PTCHD1: variants seen among roughly 807,000 people sequenced by gnomAD.
PTCHD1 encodes patched domain-containing protein 1.
A neutral mutation model predicts 34.6 loss-of-function variants in PTCHD1; 3 were observed. The ratio of observed to expected loss-of-function variants is 0.09; its 90% CI spans 0.04 to 0.22. The LOEUF is 0.22. Among genes scored for constraint, PTCHD1 ranks in the 10% least tolerant of loss-of-function variants. The probability of loss-of-function intolerance (pLI) is 1.00; values close to 1 mark genes in which losing one functional copy is unlikely to be tolerated. For synonymous variants in PTCHD1, 305 were observed against 283.1 expected (o/e 1.08, Z -0.77); for missense variants, 504 against 685.5 (o/e 0.74, Z 2.96).
rs1163101166 is a variant in PTCHD1 at position 23,402,445 on chromosome X, T to C, written c.*8260T>C. 1 of 111,385 alleles carries C rather than the reference T, an allele frequency of 9.0e-6. No individual in the cohort carries two copies. The highest frequency in any genetic ancestry group is 1.9e-5 in the Non-Finnish European group (1 of 53,062). The allele number at this position is 111,385 out of a possible 1,213,427, so 9.2% of individuals were successfully genotyped here. The stretch of plus-strand genomic sequence containing the variant: ...GTAATTACTGGGAAGCTGAAAACAA[T>C]CAAATATGTGAGGAATGACTGAATA... On this transcript the variant is annotated 3_prime_UTR_variant, in exon 3 of 3. Transcript: ENST00000379361.
At chrX:23,365,789 C>T (rs977351420) in intron 1 of PTCHD1, among the ~76,000 whole-genome samples, 1 of 112,057 alleles carries the variant, frequency 8.9e-6, no homozygotes, top group African/African-American at 3.2e-5. Context: ...CATTTGAAGT[C>T]GGGCAGGTGT....
chrX:23,342,948 T>G (rs752353720), intron 1 of PTCHD1, among the ~76,000 whole-genome samples: 3 of 112,254 alleles, frequency 2.7e-5, no homozygotes, highest in African/African-American at 9.7e-5. Context: ...TATATTGTCA[T>G]GTGATCGTTT....
At position 23,392,774 on chromosome X, in the gene PTCHD1, C is replaced by T. The variant is rs200013789; in HGVS notation, c.1256C>T (p.Ser419Leu). Reference protein sequence around the residue: ...AIFFNYLYVLSFYGSSLVFTG... With the variant: ...AIFFNYLYVLLFYGSSLVFTG... ...TTCTTCAACTACCTCTATGTACTCTCGTTTTATGGTTCCAGCCTAGTGTTC... is the reference window on the plus strand; with the variant it reads ...TTCTTCAACTACCTCTATGTACTCTTGTTTTATGGTTCCAGCCTAGTGTTC... Residue 419 changes from serine to leucine, a missense_variant, in exon 3 of 3, where the codon TCG becomes TTG. Coordinates refer to ENST00000379361, the MANE Select transcript of PTCHD1 (RefSeq NM_173495.3). 1.7e-6 allele frequency: 2 copies of T among 1,211,268 alleles called. 1 individual carries two copies. Among genetic ancestry groups the T allele is most frequent in the Non-Finnish European group, 2.2e-6 (2 of 894,847 alleles).
Position 23,402,693 on chromosome X carries a change from C to T in PTCHD1, c.*8508C>T, listed in dbSNP as rs985848406. 2 of 112,022 alleles carry T rather than the reference C, an allele frequency of 1.8e-5. No individual in the cohort carries two copies. The highest frequency in any genetic ancestry group is 6.5e-5 in the African/African-American group (2 of 30,845). The allele number at this position is 112,022 out of a possible 1,213,427, so 9.2% of individuals were successfully genotyped here. A position where few individuals can be genotyped will look rare whatever the true frequency, so the allele number is the denominator to read the frequency against. ...TTGTGGTTTACAATCCAGCTTAGAA[C>T]CCTTGAGCAAAATTATTGAATTATT... is the stretch of plus-strand genomic sequence containing the variant. On this transcript the variant is annotated 3_prime_UTR_variant, in exon 3 of 3. Transcript: ENST00000379361.
At chrX:23,378,744 G>C (rs1441485911) in intron 1 of PTCHD1, among the ~76,000 whole-genome samples, 1 of 112,488 alleles carries the variant, frequency 8.9e-6, no homozygotes, top group African/African-American at 3.2e-5. Context: ...GAGTTTATCT[G>C]TATAAGGAGC....
intron 1 of PTCHD1, among the ~76,000 whole-genome samples, chrX:23,343,844 G>A (rs1921406785): frequency 8.9e-6 from 1 of 112,306 alleles, no homozygotes. Flanking sequence ...AAAAAATAAT[G>A]CATCTCTGCT....
At chrX:23,376,803 A>T (rs1380303592) in intron 1 of PTCHD1, among the ~76,000 whole-genome samples, 1 of 112,226 alleles carries the variant, frequency 8.9e-6, no homozygotes, top group Non-Finnish European at 1.9e-5. Flanking sequence ...CACTCTGCAG[A>T]ACTCTGCCAC....
At chrX:23,356,060 G>A (rs773411873) in intron 1 of PTCHD1, among the ~76,000 whole-genome samples, 3 of 110,882 alleles carry the variant, frequency 2.7e-5, no homozygotes, top group Non-Finnish European at 5.7e-5. Flanking sequence ...TTTTTTTCTC[G>A]AGTCAGAATT....
chrX:23,387,616 G>A (rs887637975), intron 2 of PTCHD1, among the ~76,000 whole-genome samples: 3 of 111,018 alleles, frequency 2.7e-5, no homozygotes, highest in Non-Finnish European at 5.7e-5. Context: ...TCACACTCCC[G>A]GCCCAAATTT....
Position 23,334,981 on chromosome X carries a change from T to C in PTCHD1, c.106T>C (p.Ser36Pro). The change falls in exon 1 of 3, where the codon TCC becomes CCC. Residue 36 changes from serine to proline, a missense_variant. Coordinates refer to ENST00000379361, the MANE Select transcript of PTCHD1 (RefSeq NM_173495.3). ...CTTCGCCTCGGCGCCGGTGCTCATC[T>C]CCATCCTGCTCGGCGCCAGCTTCAG... ...VFFASAPVLISILLGASFSRY... is the reference protein window; with the variant it reads ...VFFASAPVLIPILLGASFSRY... The C allele has an allele frequency of 8.3e-7, 1 of 1,209,857 alleles. No homozygotes were observed. The highest frequency in any genetic ancestry group is 1.1e-6 in the Non-Finnish European group (1 of 894,575).
rs1922984287 is a variant in PTCHD1 at position 23,396,147 on chromosome X, C to A, written c.*1962C>A. 8.9e-6 allele frequency: 1 copy of A among 112,466 alleles called. No homozygotes were observed. Among genetic ancestry groups the A allele is most frequent in the African/African-American group, 3.2e-5 (1 of 30,870 alleles). 9.3% of individuals were successfully genotyped at this position (112,466 alleles called of 1,213,427 possible). ...AATTCAGATGTAACCACACCAAGTG[C>A]AAACCTGTGCTTTCTATTTCACGTA... is the stretch of plus-strand genomic sequence containing the variant. On this transcript the variant is annotated 3_prime_UTR_variant, in exon 3 of 3. Coordinates refer to ENST00000379361, the MANE Select transcript of PTCHD1 (RefSeq NM_173495.3).
chrX:23,399,306 A>T lies in PTCHD1; in HGVS notation c.*5121A>T, dbSNP rs1255771449. The T allele has an allele frequency of 8.9e-6, 1 of 112,099 alleles. No homozygotes were observed. The highest frequency in any genetic ancestry group is 1.9e-5 in the Non-Finnish European group (1 of 53,241). 9.2% of individuals were successfully genotyped at this position (112,099 alleles called of 1,213,427 possible). The stretch of plus-strand genomic sequence containing the variant: ...TTCTCCATTTTGCCACTTTACTGCC[A>T]AATTCTATTCATCTAAATTATTGGG... On this transcript the variant is annotated 3_prime_UTR_variant, in exon 3 of 3. Coordinates refer to ENST00000379361, the MANE Select transcript of PTCHD1 (RefSeq NM_173495.3).
intron 1 of PTCHD1, among the ~76,000 whole-genome samples, chrX:23,358,416 T>C (rs1921872264): frequency 8.9e-6 from 1 of 112,655 alleles, no homozygotes; most frequent in African/African-American, 3.2e-5. Context: ...CCAGTGATGA[T>C]GAGCATTTTT....
rs1227592536 is a variant in PTCHD1 at position 23,402,698 on chromosome X, G to A, written c.*8513G>A. On this transcript the variant is annotated 3_prime_UTR_variant, in exon 3 of 3. Coordinates refer to ENST00000379361, the MANE Select transcript of PTCHD1 (RefSeq NM_173495.3). ...GTTTACAATCCAGCTTAGAACCCTT[G>A]AGCAAAATTATTGAATTATTGAATG... The A allele has an allele frequency of 8.9e-6, 1 of 111,974 alleles. No homozygotes were observed. The highest frequency in any genetic ancestry group is 1.9e-5 in the Non-Finnish European group (1 of 53,185). The allele number at this position is 111,974 out of a possible 1,213,427, so 9.2% of individuals were successfully genotyped here.
At chrX:23,387,608 A>C (rs1193600572) in intron 2 of PTCHD1, among the ~76,000 whole-genome samples, 1 of 111,914 alleles carries the variant, frequency 8.9e-6, no homozygotes, top group African/African-American at 3.2e-5. Context: ...TTTTAAAATC[A>C]CACTCCCGGC....
chrX:23,392,559 G>A lies in PTCHD1; in HGVS notation c.1041G>A (p.Met347Ile). ...LGHGLYGTFE[M>I]LSSWRKTRED... ...ATGGATTATATGGGACTTTTGAAAT[G>A]TTATCCTCCTGGAGGAAAACTAGAG... Residue 347 changes from methionine (M) to isoleucine (I), a missense_variant, in exon 3 of 3, where the codon ATG (methionine) becomes ATA (isoleucine). Met to Ile is a conservative substitution (Grantham distance 10, BLOSUM62 1). Coordinates refer to ENST00000379361, the MANE Select transcript of PTCHD1 (RefSeq NM_173495.3). 8.3e-7 allele frequency: 1 copy of A among 1,206,558 alleles called. No homozygotes were observed. The highest frequency in any genetic ancestry group is 3.0e-5 in the East Asian group (1 of 33,830).
intron 2 of PTCHD1, among the ~76,000 whole-genome samples, chrX:23,387,559 A>C (rs1275683365): frequency 2.7e-5 from 3 of 112,004 alleles, no homozygotes; most frequent in African/African-American, 6.5e-5. Context: ...TGACAACCCC[A>C]AAGTGTACTG....
intron 1 of PTCHD1, among the ~76,000 whole-genome samples, chrX:23,360,710 T>G: frequency 9.0e-6 from 1 of 111,678 alleles, no homozygotes; most frequent in South Asian, 3.8e-4. Context: ...GTCTTTGCTC[T>G]TGCTACTCCA....
intron 1 of PTCHD1, among the ~76,000 whole-genome samples, chrX:23,352,153 G>C (rs1376568569): frequency 2.7e-5 from 3 of 111,950 alleles, no homozygotes; most frequent in African/African-American, 9.8e-5. Context: ...GAGAAGGGGA[G>C]TAGGTTTAGG....
Sources: allele counts gnomAD v4.1 joint callset (sites outside exome capture counted in the v4.1 genomes callset), GRCh38; gene constraint gnomAD v4.1.1; transcripts MANE v1.5; gene names NCBI Gene and HGNC (gene_info 2026-07-23, HGNC 2026-07-21).